Variants in RAB13 observed in about 807,000 individuals in gnomAD.
The protein encoded by RAB13 is ras-related protein Rab-13.
In RAB13, 15 loss-of-function variants were observed where a neutral mutation model predicts 29.3. The ratio of observed to expected loss-of-function variants is 0.51; its 90% CI spans 0.34 to 0.79. RAB13 has a LOEUF of 0.79. Ranked by LOEUF, RAB13 falls within the 30% of genes least tolerant of loss-of-function variation. RAB13 has a pLI of 0.01. For missense variants in RAB13, 186 were observed against 255.5 expected (o/e 0.73, Z 1.85); for synonymous variants, 82 against 93.8 (o/e 0.87, Z 0.73).
At chr1:153,987,032 T>C (rs78387882), upstream of RAB13, among the ~76,000 whole-genome samples, 587 of 152,302 alleles carry the variant, frequency 3.9e-3, 4 homozygotes, top group African/African-American at 0.013. Flanking sequence ...TGGGGACCCA[T>C]GTGTGATTTC....
chr1:153,987,932 C>T (rs1398320937), upstream of RAB13, among the ~76,000 whole-genome samples: 1 of 151,938 alleles, frequency 6.6e-6, no homozygotes, highest in Non-Finnish European at 1.5e-5. Flanking sequence ...GCTCTCCAGC[C>T]TCGGTGATAG....
intron 6 of RAB13, 40 bp from the exon 7 acceptor site, chr1:153,982,484 C>T: frequency 6.2e-7 from 1 of 1,608,260 alleles, no homozygotes; most frequent in Non-Finnish European, 8.5e-7. Flanking sequence ...GGAGGAGAAT[C>T]TACCTTCTAA....
chr1:153,984,004 T>C (rs1174674722), intron 2 of RAB13, among the ~76,000 whole-genome samples: 1 of 151,802 alleles, frequency 6.6e-6, no homozygotes. Context: ...TGGTGAAACC[T>C]CGTCTCTACT....
intron 1 of RAB13, chr1:153,985,262 G>T: frequency 2.0e-6 from 2 of 986,520 alleles, no homozygotes; most frequent in Non-Finnish European, 2.4e-6. Flanking sequence ...CACTAGGAAA[G>T]TCTGAGGCTA....
At position 153,982,724 on chromosome 1, in the gene RAB13, C is replaced by G; in HGVS notation, c.409G>C (p.Asp137His). The G allele has an allele frequency of 6.2e-7, 1 of 1,614,196 alleles. No homozygotes were observed. Among genetic ancestry groups the G allele is most frequent in the Non-Finnish European group, 8.5e-7 (1 of 1,180,016 alleles). The part of the protein sequence containing the change: ...AKRKVQKEQA[D>H]KLAREHGIRF... The stretch of plus-strand genomic sequence containing the variant: ...TTGCTCAGCCTGGCCCTCACCTTAT[C>G]GGCCTGCTCCTTCTGCACCTTCCTC... The change falls in exon 5 of 8, where the codon GAT becomes CAT. Residue 137 changes from aspartate to histidine, a missense_variant. By Grantham distance (81) the Asp-to-His change is moderately conservative (BLOSUM62 -1). Coordinates refer to ENST00000368575, the MANE Select transcript of RAB13 (RefSeq NM_002870.5).
chr1:153,989,541 G>T (rs1403898975), upstream of RAB13, among the ~76,000 whole-genome samples: 1 of 151,688 alleles, frequency 6.6e-6, no homozygotes, highest in Admixed American at 6.6e-5. Flanking sequence ...GAGCCACGGC[G>T]CCCGGGCAAG....
chr1:153,985,355 T>C (rs1649128242), intron 1 of RAB13: 2 of 984,104 alleles, frequency 2.0e-6, no homozygotes, highest in African/African-American at 3.5e-5. Flanking sequence ...AGACTCTTCC[T>C]GTCTATTTCC....
rs1022126848 is a variant in RAB13 at position 153,983,100 on chromosome 1, G to A, written c.324+119C>T. 4.1e-5 allele frequency: 38 copies of A among 930,904 alleles called. No individual in the cohort carries two copies. The East Asian group carries it at 5.5e-4, about 14-fold the overall frequency. The allele number at this position is 930,904 out of a possible 1,614,324, so 57.7% of individuals were successfully genotyped here. A position where few individuals can be genotyped will look rare whatever the true frequency, so the allele number is the denominator to read the frequency against. ...AGATCCTGCCATTGCACTCCAGCCC[G>A]GGCAACAAGAGCAAAACTTCATCTC... On this transcript the variant is annotated intron_variant, in intron 4 of 7. Coordinates refer to ENST00000368575, the MANE Select transcript of RAB13 (RefSeq NM_002870.5).
rs746688772 is a variant in RAB13 at position 153,982,180 on chromosome 1, G to C, written c.535-4C>G. The C allele has an allele frequency of 1.9e-6, 3 of 1,613,098 alleles. No homozygotes were observed. The South Asian group carries it at 3.3e-5, about 18-fold the overall frequency. ...TGGGAGGCTTGTTGCCGTTTCCCTA[G>C]AGGGAGAAGGGCACAGGTGTCATGG... On this transcript the variant is annotated splice_polypyrimidine_tract_variant and splice_region_variant and intron_variant, in intron 7 of 7. Coordinates refer to ENST00000368575, the MANE Select transcript of RAB13 (RefSeq NM_002870.5).
chr1:153,988,224 CCTT>C (rs1423297944), upstream of RAB13, among the ~76,000 whole-genome samples: 4 of 151,368 alleles, frequency 2.6e-5, no homozygotes, highest in African/African-American at 9.7e-5. Flanking sequence ...GATCTCTTGA[CCTT>C]CTGATCCGCC....
intron 7 of RAB13, 77 bp downstream of exon 7, chr1:153,982,302 AACACACACACAC>A (rs56853500): frequency 1.9e-5 from 25 of 1,297,908 alleles, no homozygotes; most frequent in Admixed American, 5.2e-5. Context: ...TATCAACACC[AACACACACACAC>A]ACACACACAC....
Position 153,982,499 on chromosome 1 carries a change from T to A in RAB13, c.480+36A>T, listed in dbSNP as rs775878719. 5 of 1,607,642 alleles carry A rather than the reference T, an allele frequency of 3.1e-6. No individual in the cohort carries two copies. The East Asian group carries it at 1.1e-4, about 36-fold the overall frequency. On this transcript the variant is annotated intron_variant, in intron 6 of 7. Transcript: ENST00000368575. ...GGAGGAGAATCTACCTTCTAATACT[T>A]CCTCTCTTGGTCGGGGATGGGGGTG...
Position 153,983,244 on chromosome 1 carries a change from T to C in RAB13, c.299A>G (p.Gln100Arg). The C allele has an allele frequency of 1.2e-6, 2 of 1,614,018 alleles. No individual in the cohort carries two copies. Among genetic ancestry groups the C allele is most frequent in the Non-Finnish European group, 1.7e-6 (2 of 1,179,848 alleles). The change falls in exon 4 of 8, where the codon CAG becomes CGG. Residue 100 changes from glutamine (Q) to arginine (R), a missense_variant. Gln to Arg is a conservative substitution (Grantham distance 43). Transcript: ENST00000368575. ...ITDEKSFENI[Q>R]NWMKSIKENA... ...CTCCTTGATGCTTTTCATCCAGTTC[T>C]GAATATTCTCGAAAGATTTCTCATC...
At chr1:153,987,528 AAAAGAAAG>A (rs1553215351), upstream of RAB13, among the ~76,000 whole-genome samples, 25 of 127,524 alleles carry the variant, frequency 2.0e-4, no homozygotes, top group Middle Eastern at 0.026. Context: ...AAAAAAAAAA[AAAAGAAAG>A]AAAGAAAGAG....
At chr1:153,988,196 T>C (rs1649243174), upstream of RAB13, among the ~76,000 whole-genome samples, 2 of 151,838 alleles carry the variant, frequency 1.3e-5, no homozygotes, top group African/African-American at 4.8e-5. Context: ...GGTTTCACCA[T>C]GTTGGCCAGA....
chr1:153,983,320 T>C (rs765938779), intron 3 of RAB13, 24 bp from the exon 4 acceptor site: 87 of 1,605,142 alleles, frequency 5.4e-5, no homozygotes, highest in Non-Finnish European at 6.8e-5. Flanking sequence ...AAATTCACCT[T>C]GGACCATGTT....
chr1:153,984,502 A>G (rs1649099459), intron 2 of RAB13, among the ~76,000 whole-genome samples: 2 of 152,192 alleles, frequency 1.3e-5, no homozygotes, highest in Non-Finnish European at 1.5e-5. Flanking sequence ...CTCTGCAGCC[A>G]GAGGAGGCAA....
At chr1:153,982,490 T>A in intron 6 of RAB13, 45 bp downstream of exon 6, 2 of 1,606,840 alleles carry the variant, frequency 1.2e-6, no homozygotes, top group Non-Finnish European at 1.7e-6. Flanking sequence ...GAATCTACCT[T>A]CTAATACTTC....
chr1:153,985,098 G>A, intron 1 of RAB13: 1 of 1,086,864 alleles, frequency 9.2e-7, no homozygotes, highest in Non-Finnish European at 1.1e-6. Flanking sequence ...TCTGAATTCA[G>A]TCTCTGTCTC....
Sources: allele counts gnomAD v4.1 joint callset (sites outside exome capture counted in the v4.1 genomes callset), GRCh38; gene constraint gnomAD v4.1.1; transcripts MANE v1.5; gene names NCBI Gene and HGNC (gene_info 2026-07-23, HGNC 2026-07-21).